The following MSRA variants were observed in gnomAD, a reference collection of about 807,000 sequenced individuals.
The protein encoded by MSRA is mitochondrial peptide methionine sulfoxide reductase.
In MSRA, 54 loss-of-function variants were observed where a neutral mutation model predicts 31.3. The ratio of observed to expected loss-of-function variants is 1.73; its 90% CI spans 1.39 to 2.17. The LOEUF (loss-of-function observed/expected upper bound fraction) is 2.17. Among genes scored for constraint, MSRA ranks in the 30% most tolerant of loss-of-function variants. The pLI is 0.00. For missense variants in MSRA, 507 were observed against 300.9 expected, an observed-to-expected ratio of 1.69 and a Z score of -5.07; for synonymous variants, 169 against 116.5, an observed-to-expected ratio of 1.45 and a Z score of -2.90.
intron 4 of MSRA, among the ~76,000 whole-genome samples, chr8:10,307,607 G>A (rs1801210432): frequency 6.6e-6 from 1 of 152,190 alleles, no homozygotes; most frequent in Admixed American, 6.5e-5. Flanking sequence ...TCCACATCAT[G>A]TACTTCTGGA....
At chr8:10,373,422 G>A (rs895440017) in intron 5 of MSRA, among the ~76,000 whole-genome samples, 3 of 152,190 alleles carry the variant, frequency 2.0e-5, no homozygotes, top group East Asian at 1.9e-4. Flanking sequence ...AGGCATGTGC[G>A]GTGGCACGAT....
At chr8:10,060,893 A>G (rs1360979793) in intron 1 of MSRA, among the ~76,000 whole-genome samples, 1 of 152,218 alleles carries the variant, frequency 6.6e-6, no homozygotes, top group Non-Finnish European at 1.5e-5. Flanking sequence ...AGAAGGCATT[A>G]TGTGTATTTC....
chr8:10,200,239 G>T (rs1808378248), intron 1 of MSRA, among the ~76,000 whole-genome samples: 1 of 152,236 alleles, frequency 6.6e-6, no homozygotes, highest in African/African-American at 2.4e-5. Context: ...GTCAGAGCAA[G>T]AGGATAAAAT....
chr8:10,171,329 A>C (rs1023487087), intron 1 of MSRA, among the ~76,000 whole-genome samples: 1 of 149,122 alleles, frequency 6.7e-6, no homozygotes, highest in Non-Finnish European at 1.5e-5. Context: ...GTAGTGACAG[A>C]CCTGACATTT....
At chr8:10,105,021 G>C (rs1268478592) in intron 1 of MSRA, among the ~76,000 whole-genome samples, 1 of 152,140 alleles carries the variant, frequency 6.6e-6, no homozygotes. Context: ...TATTGGTATA[G>C]CTGATTACTT....
chr8:10,307,124 G>A (rs1801181003), intron 4 of MSRA, among the ~76,000 whole-genome samples: 2 of 151,676 alleles, frequency 1.3e-5, no homozygotes, highest in African/African-American at 4.8e-5. Flanking sequence ...ATACACTAGA[G>A]GAATCCAAGC....
chr8:10,386,293 G>C (rs34487437), intron 5 of MSRA, among the ~76,000 whole-genome samples: 1 of 151,956 alleles, frequency 6.6e-6, no homozygotes, highest in African/African-American at 2.4e-5. Context: ...AGACTCTTCC[G>C]CTGTCCCATA....
chr8:10,150,264 C>A (rs536006680), intron 1 of MSRA, among the ~76,000 whole-genome samples: 1 of 152,200 alleles, frequency 6.6e-6, no homozygotes, highest in South Asian at 2.1e-4. Context: ...CTAATTACAT[C>A]TATGAATAAA....
At chr8:10,178,435 A>G (rs536461075) in intron 1 of MSRA, among the ~76,000 whole-genome samples, 1 of 152,318 alleles carries the variant, frequency 6.6e-6, no homozygotes, top group African/African-American at 2.4e-5. Context: ...ACTTGAAAAA[A>G]AATTTGAAAT....
chr8:10,219,849 C>CAAT (rs1021882316), intron 2 of MSRA, among the ~76,000 whole-genome samples: 1 of 133,434 alleles, frequency 7.5e-6, no homozygotes, highest in African/African-American at 2.9e-5. Flanking sequence ...AGGTCCAGTA[C>CAAT]AATGTACACC....
chr8:10,369,868 T>G (rs1157007772), intron 5 of MSRA, among the ~76,000 whole-genome samples: 1 of 152,234 alleles, frequency 6.6e-6, no homozygotes, highest in Non-Finnish European at 1.5e-5. Context: ...TTATATAACT[T>G]ATAGCAGATA....
At chr8:10,299,178 G>A (rs1426515511) in intron 3 of MSRA, among the ~76,000 whole-genome samples, 1 of 151,908 alleles carries the variant, frequency 6.6e-6, no homozygotes, top group Non-Finnish European at 1.5e-5. Flanking sequence ...CAATTTACAT[G>A]TATTTCTTCA....
chr8:10,121,301 G>C (rs533779099), intron 1 of MSRA, among the ~76,000 whole-genome samples: 1 of 152,208 alleles, frequency 6.6e-6, no homozygotes, highest in African/African-American at 2.4e-5. Context: ...ACGGGAGGTT[G>C]CTGGCTAGGG....
At chr8:10,324,482 C>G (rs748316172) in intron 5 of MSRA, among the ~76,000 whole-genome samples, 1 of 152,114 alleles carries the variant, frequency 6.6e-6, no homozygotes, top group Non-Finnish European at 1.5e-5. Context: ...AGTGCTGCAC[C>G]GGGAGCTGCT....
At chr8:10,294,862 C>T (rs941820862) in intron 3 of MSRA, among the ~76,000 whole-genome samples, 3 of 151,064 alleles carry the variant, frequency 2.0e-5, no homozygotes, top group Middle Eastern at 3.2e-3. Flanking sequence ...CCAGGGCCGG[C>T]TTGGGAGGGG....
intron 5 of MSRA, 122 bp from the exon 6 acceptor site, chr8:10,428,026 G>GGA: frequency 1.1e-5 from 11 of 1,023,054 alleles, no homozygotes; most frequent in Non-Finnish European, 1.5e-5. Context: ...GGCCTAAAGG[G>GGA]GACCCACTGC....
chr8:10,215,922 T>C (rs780255055), intron 2 of MSRA, among the ~76,000 whole-genome samples: 28 of 152,314 alleles, frequency 1.8e-4, no homozygotes, highest in South Asian at 1.5e-3. Context: ...ACAGAGAAAA[T>C]ACATTCAACA....
intron 1 of MSRA, among the ~76,000 whole-genome samples, chr8:10,189,225 T>C (rs1432237417): frequency 3.3e-5 from 5 of 152,244 alleles, no homozygotes; most frequent in Admixed American, 1.3e-4. Context: ...TTTGGTGAGC[T>C]TGGTAAACTT....
chr8:10,282,978 A>G (rs144877489), intron 3 of MSRA, among the ~76,000 whole-genome samples: 10 of 152,226 alleles, frequency 6.6e-5, no homozygotes, highest in Non-Finnish European at 1.5e-4. Flanking sequence ...TAGAAAATGC[A>G]TAGTGTTGCA....
Sources: gnomAD v4.1 joint callset for allele counts (sites outside exome capture counted in the v4.1 genomes callset) on GRCh38, gnomAD v4.1.1 for gene constraint, MANE v1.5 for transcripts, NCBI Gene and HGNC (gene_info 2026-07-23, HGNC 2026-07-21) for gene names.